Variants in ACSF3 observed in about 807,000 individuals in gnomAD.
ACSF3 encodes acyl-CoA synthetase family member 3, also known as malonate--CoA ligase ACSF3, mitochondrial.
A neutral mutation model predicts 53.2 loss-of-function variants in ACSF3; 78 were observed. That is an observed-to-expected ratio of 1.47 (90% CI 1.22 to 1.77). The LOEUF (loss-of-function observed/expected upper bound fraction) is 1.77. ACSF3 is among the 40% of genes most tolerant of loss of function. The probability of loss-of-function intolerance (pLI) is 0.00; values close to 1 mark genes in which losing one functional copy is unlikely to be tolerated. For synonymous variants in ACSF3, 414 were observed against 333.1 expected (o/e 1.24, Z -2.65); for missense variants, 937 against 771.1 (o/e 1.22, Z -2.55).
chr16:89,136,724 C>G, intron 8 of ACSF3: 1 of 1,287,298 alleles, frequency 7.8e-7, no homozygotes, highest in Non-Finnish European at 1.0e-6. Flanking sequence ...GCCTCCCCCA[C>G]CTGCCTCTGT....
intron 7 of ACSF3, among the ~76,000 whole-genome samples, chr16:89,132,897 C>G (rs549351637): frequency 6.6e-6 from 1 of 152,230 alleles, no homozygotes; most frequent in Non-Finnish European, 1.5e-5. Context: ...GAAAGGACAC[C>G]CAGCTCCCGG....
intron 2 of ACSF3, 39 bp downstream of exon 2, chr16:89,098,802 G>A (rs1380963174): frequency 2.2e-6 from 1 of 454,106 alleles, no homozygotes; most frequent in Non-Finnish European, 4.4e-6. Flanking sequence ...TTCTGTGTGC[G>A]AACAAGTGGT....
In ACSF3 at chr16:89,100,840, T is replaced by G. The variant is rs765633249; in HGVS notation, c.159T>G (p.Phe53Leu). ...CGGTGTTCACCCGTGCCCTGGCCTT[T>G]GGGGACAGAATCGCCCTGGTTGACC... is the stretch of plus-strand genomic sequence containing the variant. ...SAPVFTRALA[F>L]GDRIALVDQH... Residue 53 changes from phenylalanine to leucine, a missense_variant, in exon 3 of 11, where the codon TTT (phenylalanine) becomes TTG (leucine). By Grantham distance (22) the Phe-to-Leu change is conservative. Transcript: ENST00000614302. The G allele has an allele frequency of 6.8e-6, 11 of 1,613,414 alleles. No individual in the cohort carries two copies. The highest frequency in any genetic ancestry group is 9.3e-6 in the Non-Finnish European group (11 of 1,180,030).
chr16:89,141,175 T>G, intron 8 of ACSF3: 11 of 1,287,194 alleles, frequency 8.5e-6, no homozygotes, highest in Non-Finnish European at 1.1e-5. Context: ...GAGACTTTGT[T>G]TAAACCCTGG....
chr16:89,106,075 G>A (rs371873226), intron 4 of ACSF3, among the ~76,000 whole-genome samples: 2 of 152,206 alleles, frequency 1.3e-5, no homozygotes, highest in Non-Finnish European at 2.9e-5. Flanking sequence ...CTGCCTTGGG[G>A]TCTGTGTCCC....
At chr16:89,140,476 G>A (rs1567738145) in intron 8 of ACSF3, among the ~76,000 whole-genome samples, 1 of 152,146 alleles carries the variant, frequency 6.6e-6, no homozygotes, top group Admixed American at 6.5e-5. Context: ...GGCTTCCCTC[G>A]GCACTTTCCT....
At chr16:89,144,732 A>G (rs901632680) in intron 8 of ACSF3, among the ~76,000 whole-genome samples, 4 of 152,192 alleles carry the variant, frequency 2.6e-5, no homozygotes, top group African/African-American at 9.6e-5. Context: ...TTGCAGCAGT[A>G]GCAGCACAGC....
At chr16:89,115,497 G>A (rs1397687453) in intron 6 of ACSF3, among the ~76,000 whole-genome samples, 2 of 152,238 alleles carry the variant, frequency 1.3e-5, no homozygotes, top group South Asian at 2.1e-4. Flanking sequence ...CAGAGCCCGC[G>A]CCTTTCCCTG....
chr16:89,104,826 C>A (rs947595654), intron 4 of ACSF3, among the ~76,000 whole-genome samples: 1 of 152,246 alleles, frequency 6.6e-6, no homozygotes, highest in African/African-American at 2.4e-5. Flanking sequence ...GAGGCAAGGT[C>A]TCACAAGAGA....
intron 7 of ACSF3, among the ~76,000 whole-genome samples, chr16:89,121,530 G>A (rs1427291213): frequency 3.9e-5 from 6 of 152,230 alleles, no homozygotes; most frequent in Admixed American, 2.0e-4. Flanking sequence ...CTCATCACAC[G>A]TGAACTCATC....
intron 10 of ACSF3, chr16:89,149,203 A>G (rs1913657817): frequency 6.6e-6 from 1 of 152,172 alleles, no homozygotes. Context: ...ACAATTTAAC[A>G]AGTCTTTAGG....
intron 6 of ACSF3, among the ~76,000 whole-genome samples, chr16:89,118,315 T>G (rs1905715484): frequency 6.7e-6 from 1 of 149,702 alleles, no homozygotes; most frequent in Admixed American, 6.7e-5. Context: ...ACCAGCAGTG[T>G]GAGTTCTTTG....
At chr16:89,101,915 A>ACAG (rs1975393195) in intron 3 of ACSF3, among the ~76,000 whole-genome samples, 1 of 152,080 alleles carries the variant, frequency 6.6e-6, no homozygotes, top group South Asian at 2.1e-4. Context: ...CCATGAGCAC[A>ACAG]CAGCAGGCTG....
intron 8 of ACSF3, chr16:89,141,072 G>A (rs1364131803): frequency 4.7e-6 from 6 of 1,271,676 alleles, no homozygotes; most frequent in African/African-American, 4.6e-5. Context: ...CACAGTGATC[G>A]CAAGTTGCCC....
In ACSF3 at chr16:89,145,337, T is replaced by G. The variant is rs2151562625; in HGVS notation, c.1437T>G (p.Thr479=). The G allele has an allele frequency of 1.2e-6, 2 of 1,614,210 alleles. No homozygotes were observed. Among genetic ancestry groups the G allele is most frequent in the East Asian group, 4.5e-5 (2 of 44,888 alleles). The change falls in exon 9 of 11, where the codon ACT becomes ACG. Residue 479 remains threonine, a synonymous_variant. Coordinates refer to ENST00000614302, the MANE Select transcript of ACSF3 (RefSeq NM_001243279.3). ...RGRTSVDIIK[T]GGYKVSALEV... ...GGACCTCAGTGGACATCATCAAGAC[T>G]GGAGGCTACAAGGTCAGCGCCCTGG...
In ACSF3 at chr16:89,153,752, C is replaced by G. The variant is rs74659525; in HGVS notation, c.1614-338C>G. On this transcript the variant is annotated intron_variant, in intron 10 of 10. Coordinates refer to ENST00000614302, the MANE Select transcript of ACSF3 (RefSeq NM_001243279.3). ...GGGCCTTCCAGCTCCAGTGCGGGGA[C>G]TTGGAAGGCCTGGCCCGGTGTGGGG... 17,693 of 378,644 alleles carry G rather than the reference C, an allele frequency of 0.047. 649 individuals are homozygous for G. The highest frequency in any genetic ancestry group is 0.13 in the East Asian group (2,189 of 16,728). The allele number at this position is 378,644 out of a possible 1,614,324, so 23.5% of individuals were successfully genotyped here.
In ACSF3 at chr16:89,155,737, A is replaced by G. The variant is rs774062471; in HGVS notation, c.*1530A>G. 6.2e-5 allele frequency: 28 copies of G among 453,956 alleles called. 1 individual carries two copies. Among genetic ancestry groups the G allele is most frequent in the South Asian group, 4.3e-4 (28 of 64,460 alleles). 28.1% of individuals were successfully genotyped at this position (453,956 alleles called of 1,614,324 possible). ...GTTGGGAAAAGGTCAAATTTAACAT[A>G]GCAAAATTTTTACTTAATTCCACTA... On this transcript the variant is annotated 3_prime_UTR_variant, in exon 11 of 11. Coordinates refer to ENST00000614302, the MANE Select transcript of ACSF3 (RefSeq NM_001243279.3).
chr16:89,124,748 G>GCAA (rs1907623162), intron 7 of ACSF3, among the ~76,000 whole-genome samples: 1 of 151,546 alleles, frequency 6.6e-6, no homozygotes, highest in Non-Finnish European at 1.5e-5. Flanking sequence ...TTACCTGTGT[G>GCAA]CAACACTGCA....
Position 89,125,566 on chromosome 16 carries a change from C to G in ACSF3, c.1239+4653C>G, listed in dbSNP as rs150684002. On this transcript the variant is annotated intron_variant, in intron 7 of 10. Transcript: ENST00000614302. ...GTTAGCCAGGTGTGGTGGCACACGC[C>G]TGTAATCCCAGCTACTCGGGAGGCT... is the stretch of plus-strand genomic sequence containing the variant. Among the ~76,000 whole-genome samples, 126 of 152,046 alleles carry G rather than the reference C, an allele frequency of 8.3e-4. 1 individual carries two copies. Among genetic ancestry groups the G allele is most frequent in the Non-Finnish European group, 1.4e-3 (94 of 67,982 alleles).
Sources: allele counts gnomAD v4.1 joint callset (sites outside exome capture counted in the v4.1 genomes callset), GRCh38; gene constraint gnomAD v4.1.1; transcripts MANE v1.5; gene names NCBI Gene and HGNC (gene_info 2026-07-23, HGNC 2026-07-21).